Variants in ATP11B observed in about 807,000 individuals in gnomAD.
ATP11B encodes the protein phospholipid-transporting ATPase IF.
A neutral mutation model predicts 157.8 loss-of-function variants in ATP11B; 81 were observed. That is an observed-to-expected ratio of 0.51 (90% CI 0.43 to 0.62). ATP11B has a LOEUF of 0.62. Among genes scored for constraint, ATP11B ranks in the 20% least tolerant of loss-of-function variants. ATP11B has a pLI of 0.00. For missense variants in ATP11B, 1,165 were observed against 1,402.2 expected (o/e 0.83, Z 2.70); for synonymous variants, 451 against 469.4 (o/e 0.96, Z 0.51).
chr3:182,875,939 A>G (rs537644115), intron 19 of ATP11B, among the ~76,000 whole-genome samples: 7 of 152,300 alleles, frequency 4.6e-5, no homozygotes, highest in South Asian at 2.1e-4. Flanking sequence ...TTTACTTTAT[A>G]TATGCCTTTT....
chr3:182,804,771 T>C (rs779643030), intron 1 of ATP11B, among the ~76,000 whole-genome samples: 3 of 152,218 alleles, frequency 2.0e-5, no homozygotes, highest in Admixed American at 6.5e-5. Context: ...ACTCATTAAC[T>C]GTCATTCCCC....
At position 182,884,865 on chromosome 3, in the gene ATP11B, A is replaced by G; in HGVS notation, c.2622A>G (p.Arg874=). 6.5e-7 allele frequency: 1 copy of G among 1,531,036 alleles called. No individual in the cohort carries two copies. The highest frequency in any genetic ancestry group is 9.0e-7 in the Non-Finnish European group (1 of 1,113,116). 94.8% of individuals were successfully genotyped at this position (1,531,036 alleles called of 1,614,324 possible). A position where few individuals can be genotyped will look rare whatever the true frequency, so the allele number is the denominator to read the frequency against. The change falls in exon 22 of 30, where the codon AGA becomes AGG. Residue 874 remains arginine, a synonymous_variant. Coordinates refer to ENST00000323116, the MANE Select transcript of ATP11B (RefSeq NM_014616.3). ...TTCATGGTCATTTTTATTATATTAG[A>G]ATAGCTACCCTTGTACAGTATTTTT... ...LFVHGHFYYI[R]IATLVQYFFY...
At chr3:182,844,940 TTTG>T (rs1323686177) in intron 8 of ATP11B, among the ~76,000 whole-genome samples, 152 of 151,974 alleles carry the variant, frequency 1.0e-3, no homozygotes, top group Non-Finnish European at 3.2e-4. Context: ...AAAGCAGGTA[TTTG>T]TTGTTACAGT....
At chr3:182,879,720 CTT>C in intron 20 of ATP11B, 71 bp downstream of exon 20, 1 of 1,368,900 alleles carries the variant, frequency 7.3e-7, no homozygotes, top group Non-Finnish European at 9.8e-7. Flanking sequence ...AAGTTAATGC[CTT>C]ACATAGTTCC....
Position 182,835,979 on chromosome 3 carries a change from A to G in ATP11B, c.316-56A>G, listed in dbSNP as rs1223621558. On this transcript the variant is annotated intron_variant, in intron 4 of 29. Coordinates refer to ENST00000323116, the MANE Select transcript of ATP11B (RefSeq NM_014616.3). The stretch of plus-strand genomic sequence containing the variant: ...TTTTGAGTTTTTTTTCTTATTTGAT[A>G]AAAGTATCTTCAAATTATACTGAAA... 7.7e-6 allele frequency: 11 copies of G among 1,423,852 alleles called. 1 individual carries two copies. The highest frequency in any genetic ancestry group is 1.9e-4 in the Middle Eastern group (1 of 5,368). 88.2% of individuals were successfully genotyped at this position (1,423,852 alleles called of 1,614,324 possible). A position where few individuals can be genotyped will look rare whatever the true frequency, so the allele number is the denominator to read the frequency against.
Position 182,820,333 on chromosome 3 carries a change from A to G in ATP11B, c.101A>G (p.Tyr34Cys). 6.2e-7 allele frequency: 1 copy of G among 1,613,522 alleles called. No individual in the cohort carries two copies. Among genetic ancestry groups the G allele is most frequent in the Non-Finnish European group, 8.5e-7 (1 of 1,179,430 alleles). Residue 34 changes from tyrosine to cysteine, a missense_variant, in exon 2 of 30, where the codon TAC (tyrosine) becomes TGC (cysteine). Physicochemically the swap from Tyr to Cys is radical, Grantham distance 194. Coordinates refer to ENST00000323116, the MANE Select transcript of ATP11B (RefSeq NM_014616.3). ...VANRFPQNGL[Y>C]TPQKFIDNRI... ...AACAGGTTTCCTCAGAATGGCCTTT[A>G]CACACCTCAGAAATTTATAGATAAC...
intron 25 of ATP11B, among the ~76,000 whole-genome samples, chr3:182,894,175 T>G (rs1723365378): frequency 6.6e-6 from 1 of 152,204 alleles, no homozygotes; most frequent in African/African-American, 2.4e-5. Context: ...AGAAGCTTTT[T>G]GGTTAATTAA....
intron 2 of ATP11B, among the ~76,000 whole-genome samples, chr3:182,820,907 A>T (rs74384301): frequency 1.6e-4 from 24 of 152,184 alleles, no homozygotes; most frequent in African/African-American, 5.8e-4. Context: ...TATTTATGCT[A>T]TGTACCAGAA....
intron 25 of ATP11B, among the ~76,000 whole-genome samples, chr3:182,891,805 G>A (rs1723193418): frequency 6.6e-6 from 1 of 152,110 alleles, no homozygotes; most frequent in Non-Finnish European, 1.5e-5. Context: ...ATCAGAATTG[G>A]ATTCATACCC....
chr3:182,818,167 A>T (rs1456769192), intron 1 of ATP11B, among the ~76,000 whole-genome samples: 1 of 152,192 alleles, frequency 6.6e-6, no homozygotes, highest in African/African-American at 2.4e-5. Context: ...GGAGATGTTA[A>T]CATGTTTGTG....
chr3:182,863,471 T>C (rs1374881145), intron 12 of ATP11B, among the ~76,000 whole-genome samples: 1 of 152,108 alleles, frequency 6.6e-6, no homozygotes, highest in Non-Finnish European at 1.5e-5. Context: ...AAACTTCTGG[T>C]GATTATTTCT....
At chr3:182,840,446 T>C (rs1043172676) in intron 7 of ATP11B, among the ~76,000 whole-genome samples, 1 of 152,198 alleles carries the variant, frequency 6.6e-6, no homozygotes, top group Admixed American at 6.5e-5. Context: ...TGCTGCTGAC[T>C]GTCGGATTTA....
Position 182,918,884 on chromosome 3 carries a change from A to G in ATP11B, c.*780A>G, listed in dbSNP as rs1725298380. 6.6e-6 allele frequency: 1 copy of G among 152,338 alleles called. No individual in the cohort carries two copies. 9.4% of individuals were successfully genotyped at this position (152,338 alleles called of 1,614,324 possible). A position where few individuals can be genotyped will look rare whatever the true frequency, so the allele number is the denominator to read the frequency against. On this transcript the variant is annotated 3_prime_UTR_variant, in exon 30 of 30. Transcript: ENST00000323116. The stretch of plus-strand genomic sequence containing the variant: ...ATAAAGACCCTATAGTGGGTAAATT[A>G]GATACTATTAGCATATTATTAATTT...
chr3:182,816,452 T>C (rs904902553), intron 1 of ATP11B, among the ~76,000 whole-genome samples: 1 of 152,230 alleles, frequency 6.6e-6, no homozygotes, highest in African/African-American at 2.4e-5. Flanking sequence ...ACCTAGTAAT[T>C]AGAGAGTTCA....
intron 28 of ATP11B, among the ~76,000 whole-genome samples, chr3:182,911,955 C>T (rs900129612): frequency 2.0e-5 from 3 of 152,114 alleles, no homozygotes; most frequent in Admixed American, 1.3e-4. Context: ...GACACGTTGC[C>T]CACAGGCAGG....
At chr3:182,896,267 C>T (rs1723543403) in intron 25 of ATP11B, among the ~76,000 whole-genome samples, 1 of 152,146 alleles carries the variant, frequency 6.6e-6, no homozygotes, top group African/African-American at 2.4e-5. Context: ...TTTCTTTTCT[C>T]CTGCTCTACT....
chr3:182,889,736 G>A (rs375486537), intron 25 of ATP11B, among the ~76,000 whole-genome samples, 188 bp downstream of exon 25: 1 of 152,278 alleles, frequency 6.6e-6, no homozygotes, highest in African/African-American at 2.4e-5. Context: ...GCAATACAGT[G>A]TAATCTCGAA....
At chr3:182,862,734 A>AT (rs2108538180) in intron 12 of ATP11B, among the ~76,000 whole-genome samples, 1 of 151,834 alleles carries the variant, frequency 6.6e-6, no homozygotes, top group East Asian at 1.9e-4. Context: ...GTTACCACTC[A>AT]TTCATCTCCT....
intron 17 of ATP11B, among the ~76,000 whole-genome samples, chr3:182,869,706 A>C (rs1721507365): frequency 6.6e-6 from 1 of 152,246 alleles, no homozygotes; most frequent in Non-Finnish European, 1.5e-5. Context: ...TAAGTTCCTC[A>C]AAAGGTAAAC....
Sources: gnomAD v4.1 joint callset for allele counts (sites outside exome capture counted in the v4.1 genomes callset) on GRCh38, gnomAD v4.1.1 for gene constraint, MANE v1.5 for transcripts, NCBI Gene and HGNC (gene_info 2026-07-23, HGNC 2026-07-21) for gene names.